The following LYPLA1 variants were observed in gnomAD, a reference collection of about 807,000 sequenced individuals.
The protein encoded by LYPLA1 is acyl-protein thioesterase 1.
A neutral mutation model predicts 34.0 loss-of-function variants in LYPLA1; 17 were observed. The observed-to-expected ratio is 0.50, with a 90% CI of 0.34 to 0.75. The LOEUF is 0.75. Among genes scored for constraint, LYPLA1 ranks in the 30% least tolerant of loss-of-function variants. LYPLA1 has a pLI of 0.01. For synonymous variants in LYPLA1, 98 were observed against 100.8 expected (o/e 0.97, Z 0.17); for missense variants, 203 against 288.8 (o/e 0.70, Z 2.15).
chr8:54,045,182 A>C (rs1296276663), downstream of LYPLA1, among the ~76,000 whole-genome samples: 4 of 152,238 alleles, frequency 2.6e-5, no homozygotes, highest in African/African-American at 9.6e-5. Context: ...AAAGGATATA[A>C]AATGCTTAGT....
chr8:54,053,343 C>T lies in LYPLA1; in HGVS notation c.361-587G>A, dbSNP rs180980429. The T allele has an allele frequency of 3.0e-5, 8 of 266,080 alleles. No individual in the cohort carries two copies. In the East Asian group the frequency reaches 6.7e-4, roughly 22 times the overall value. 16.5% of individuals were successfully genotyped at this position (266,080 alleles called of 1,614,324 possible). ...TCCCGACCTCAGGTGATCCACGCGC[C>T]TCAGCCTCCCAAAGTGTTGGGATTA... On this transcript the variant is annotated intron_variant, in intron 6 of 8. Transcript: ENST00000316963.
intron 2 of LYPLA1, among the ~76,000 whole-genome samples, chr8:54,074,744 G>A (rs993501572): frequency 4.6e-5 from 7 of 152,158 alleles, no homozygotes; most frequent in African/African-American, 1.4e-4. Context: ...GTTAATCATC[G>A]GGGATTGGAA....
At chr8:54,084,584 G>C (rs1808566983) in intron 2 of LYPLA1, among the ~76,000 whole-genome samples, 1 of 151,968 alleles carries the variant, frequency 6.6e-6, no homozygotes, top group Middle Eastern at 3.2e-3. Flanking sequence ...AAAAAAGAGA[G>C]AGACTATCAA....
chr8:54,064,801 C>T (rs771128050), intron 3 of LYPLA1, among the ~76,000 whole-genome samples: 1 of 151,538 alleles, frequency 6.6e-6, no homozygotes, highest in Non-Finnish European at 1.5e-5. Flanking sequence ...TCTTGGGCCA[C>T]ACATAAAAAT....
chr8:54,070,063 G>A lies in LYPLA1; in HGVS notation c.102-4250C>T, dbSNP rs115501866. Among the ~76,000 whole-genome samples the A allele has an allele frequency of 4.9e-3, 745 of 152,338 alleles. 6 individuals are homozygous for A. The highest frequency in any genetic ancestry group is 0.016 in the African/African-American group (654 of 41,576). On this transcript the variant is annotated intron_variant, in intron 2 of 8. Transcript: ENST00000316963. The stretch of plus-strand genomic sequence containing the variant: ...TTGGTAGAAATGTAAATGGTGCAGC[G>A]ACTTTAGATAACCTTTAGGTTCTCA...
chr8:54,068,590 G>A (rs1401656417), intron 2 of LYPLA1, among the ~76,000 whole-genome samples: 1 of 152,064 alleles, frequency 6.6e-6, no homozygotes, highest in East Asian at 1.9e-4. Flanking sequence ...AAATCAACAG[G>A]GAAGGAATAG....
At chr8:54,101,569 T>TGTGACCCCCCGGCTGCCC (rs1810158065) in intron 1 of LYPLA1, 186 bp downstream of exon 1, 1 of 1,150,710 alleles carries the variant, frequency 8.7e-7, no homozygotes, top group African/African-American at 1.6e-5. Flanking sequence ...TCGCGCCGGC[T>TGTGACCCCCCGGCTGCCC]GTGACCCCCC....
chr8:54,083,590 A>G (rs1410455451), intron 2 of LYPLA1, among the ~76,000 whole-genome samples: 4 of 152,198 alleles, frequency 2.6e-5, no homozygotes, highest in Non-Finnish European at 4.4e-5. Context: ...TGTTGCAACT[A>G]CTCAACTCAG....
intron 2 of LYPLA1, among the ~76,000 whole-genome samples, chr8:54,085,329 C>G (rs1365778911): frequency 3.9e-5 from 6 of 152,238 alleles, no homozygotes; most frequent in Non-Finnish European, 7.3e-5. Flanking sequence ...GTGATCTCGG[C>G]TCACTATAAC....
intron 2 of LYPLA1, among the ~76,000 whole-genome samples, chr8:54,067,981 C>A (rs2129337644): frequency 6.6e-6 from 1 of 152,204 alleles, no homozygotes; most frequent in East Asian, 1.9e-4. Context: ...GCCACCATGC[C>A]CAGCCCCCTG....
At chr8:54,095,034 A>ATT (rs36051350) in intron 2 of LYPLA1, among the ~76,000 whole-genome samples, 2 of 146,618 alleles carry the variant, frequency 1.4e-5, no homozygotes, top group Non-Finnish European at 3.0e-5. Flanking sequence ...GAATAAAGGA[A>ATT]TTTTTTTTTT....
At position 54,049,806 on chromosome 8, in the gene LYPLA1, T is replaced by G. The variant is rs1586068133; in HGVS notation, c.639+1206A>C. 4.6e-5 allele frequency among the ~76,000 whole-genome samples: 7 copies of G among 152,332 alleles called. No individual in the cohort carries two copies. In the South Asian group the frequency reaches 1.5e-3, roughly 32 times the overall value. ...TTTTAAAAGGTCTATACATGTTGCC[T>G]CTGCTTCCTCATTTCCCTATCCACT... On this transcript the variant is annotated intron_variant, in intron 8 of 8. Transcript: ENST00000316963.
chr8:54,088,905 A>T (rs1808994372), intron 2 of LYPLA1, among the ~76,000 whole-genome samples: 1 of 152,242 alleles, frequency 6.6e-6, no homozygotes, highest in African/African-American at 2.4e-5. Context: ...GAAAGAAAGC[A>T]GTACTGGTAC....
chr8:54,100,824 T>C, intron 2 of LYPLA1, 84 bp downstream of exon 2: 1 of 1,107,134 alleles, frequency 9.0e-7, no homozygotes, highest in Non-Finnish European at 1.4e-6. Flanking sequence ...TTTAGCGCCC[T>C]TAAACATTAA....
intron 2 of LYPLA1, among the ~76,000 whole-genome samples, chr8:54,091,137 T>C (rs1478769162): frequency 5.3e-5 from 8 of 152,126 alleles, no homozygotes; most frequent in Non-Finnish European, 1.0e-4. Context: ...CCCGAAGTGA[T>C]AGGATTACAG....
At chr8:54,089,997 G>C (rs991854416) in intron 2 of LYPLA1, among the ~76,000 whole-genome samples, 1 of 152,206 alleles carries the variant, frequency 6.6e-6, no homozygotes, top group Non-Finnish European at 1.5e-5. Context: ...CTGCCAGAAC[G>C]AGCCAACAGC....
At chr8:54,084,300 G>T (rs1563643201) in intron 2 of LYPLA1, among the ~76,000 whole-genome samples, 1 of 151,922 alleles carries the variant, frequency 6.6e-6, no homozygotes, top group Non-Finnish European at 1.5e-5. Flanking sequence ...GGCCGGCGCG[G>T]TGGCTCACGC....
intron 2 of LYPLA1, among the ~76,000 whole-genome samples, chr8:54,082,198 G>C (rs1164402034): frequency 6.6e-6 from 1 of 152,112 alleles, no homozygotes; most frequent in African/African-American, 2.4e-5. Context: ...GTCAAAATGT[G>C]GAAGAGAAGG....
At position 54,047,789 on chromosome 8, in the gene LYPLA1, T is replaced by C. The variant is rs1413606350; in HGVS notation, c.*276A>G. 1 of 314,984 alleles carries C rather than the reference T, an allele frequency of 3.2e-6. No homozygotes were observed. The highest frequency in any genetic ancestry group is 2.1e-5 in the African/African-American group (1 of 46,748). 19.5% of individuals were successfully genotyped at this position (314,984 alleles called of 1,614,324 possible). ...AAAAAATCTGGTGGCAGTACTGTAT[T>C]ATTTTGCTGAATTACATTTGAGAAA... On this transcript the variant is annotated 3_prime_UTR_variant, in exon 9 of 9. Transcript: ENST00000316963.
Sources: allele counts gnomAD v4.1 joint callset (sites outside exome capture counted in the v4.1 genomes callset), GRCh38; gene constraint gnomAD v4.1.1; transcripts MANE v1.5; gene names NCBI Gene and HGNC (gene_info 2026-07-23, HGNC 2026-07-21).